Variants in AP1B1 observed in about 807,000 individuals in gnomAD.
The protein encoded by AP1B1 is adaptor related protein complex 1 subunit beta 1, also known as AP-1 complex subunit beta-1.
A neutral mutation model predicts 104.3 loss-of-function variants in AP1B1; 36 were observed. The ratio of observed to expected loss-of-function variants is 0.35; its 90% CI spans 0.26 to 0.46. AP1B1 has a LOEUF of 0.46. Ranked by LOEUF, AP1B1 falls within the 20% of genes least tolerant of loss-of-function variation. The pLI is 1.00. For missense variants in AP1B1, 901 were observed against 1,247.9 expected (o/e 0.72, Z 4.19); for synonymous variants, 504 against 517.5 (o/e 0.97, Z 0.35).
chr22:29,360,650 C>G (rs1367993721), intron 3 of AP1B1, among the ~76,000 whole-genome samples: 1 of 152,152 alleles, frequency 6.6e-6, no homozygotes, highest in African/African-American at 2.4e-5. Flanking sequence ...AGGGGATGAT[C>G]CCCATTTCAG....
intron 18 of AP1B1, 24 bp downstream of exon 18, chr22:29,331,763 G>T (rs1472843885): frequency 1.2e-6 from 2 of 1,614,170 alleles, no homozygotes; most frequent in Non-Finnish European, 1.7e-6. Context: ...AAGGACTGGG[G>T]TGCCTGCCCT....
chr22:29,342,172 C>T, intron 12 of AP1B1, 113 bp downstream of exon 12: 1 of 863,244 alleles, frequency 1.2e-6, no homozygotes, highest in Non-Finnish European at 1.8e-6. Flanking sequence ...GTCCCACCCA[C>T]AAGATACCTG....
intron 5 of AP1B1, 43 bp downstream of exon 5, chr22:29,358,683 C>T (rs777203860): frequency 6.3e-7 from 1 of 1,586,452 alleles, no homozygotes; most frequent in East Asian, 2.3e-5. Flanking sequence ...CCCAAGCAAC[C>T]CAGGAGGTGG....
Position 29,358,931 on chromosome 22 carries a change from A to G in AP1B1, c.320T>C (p.Val107Ala), listed in dbSNP as rs2062001928. Residue 107 changes from valine to alanine, a missense_variant, in exon 5 of 23, where the codon GTG becomes GCG. Val to Ala is a moderately conservative substitution (Grantham distance 64). Around this residue, in one of 3 missense-constraint regions of AP1B1, gnomAD observed 471 missense variants for 696.7 expected, o/e 0.68. Coordinates refer to ENST00000357586, the MANE Select transcript of AP1B1 (RefSeq NM_001127.4). ...AACGCGGATGCAGCCCATGGTCCGC[A>G]CTGCCAGGGCTCGGATGAGGGGGTT... is the stretch of plus-strand genomic sequence containing the variant. ...DPNPLIRALA[V>A]RTMGCIRVDK... is the part of the protein sequence containing the mutation. The G allele has an allele frequency of 6.2e-7, 1 of 1,612,378 alleles. No homozygotes were observed. The highest frequency in any genetic ancestry group is 1.3e-5 in the African/African-American group (1 of 74,910).
intron 3 of AP1B1, among the ~76,000 whole-genome samples, chr22:29,360,839 C>A (rs762258749): frequency 3.3e-5 from 5 of 152,196 alleles, no homozygotes; most frequent in Non-Finnish European, 7.3e-5. Context: ...TCTCTGAAAT[C>A]ATCATATCCC....
chr22:29,375,495 T>C (rs532479868), intron 1 of AP1B1, among the ~76,000 whole-genome samples: 2 of 152,050 alleles, frequency 1.3e-5, no homozygotes, highest in Non-Finnish European at 2.9e-5. Context: ...AAATGTTTGC[T>C]GGCAAAATGA....
chr22:29,358,977 G>A lies in AP1B1; in HGVS notation c.280-6C>T. The A allele has an allele frequency of 1.9e-6, 3 of 1,602,040 alleles. No homozygotes were observed. Among genetic ancestry groups the A allele is most frequent in the Middle Eastern group, 1.7e-4 (1 of 5,896 alleles). On this transcript the variant is annotated splice_region_variant and splice_polypyrimidine_tract_variant and intron_variant, in intron 4 of 22. Coordinates refer to ENST00000357586, the MANE Select transcript of AP1B1 (RefSeq NM_001127.4). ...GGGTTGGGGTCCTCACAGTCCTGGG[G>A]GGAACCAGCCATCGGCCAGGGCAGG... is the stretch of plus-strand genomic sequence containing the variant.
chr22:29,375,317 T>C (rs1290004926), intron 1 of AP1B1, among the ~76,000 whole-genome samples: 1 of 117,002 alleles, frequency 8.5e-6, no homozygotes, highest in Non-Finnish European at 1.6e-5. Context: ...GCCATTGCAC[T>C]CCAGCCTGCG....
Position 29,328,768 on chromosome 22 carries a change from G to A in AP1B1, c.*53C>T. 1 of 1,573,602 alleles carries A rather than the reference G, an allele frequency of 6.4e-7. No homozygotes were observed. The highest frequency in any genetic ancestry group is 8.6e-7 in the Non-Finnish European group (1 of 1,162,960). On this transcript the variant is annotated 3_prime_UTR_variant, in exon 23 of 23. Transcript: ENST00000357586. The surrounding 1 kb of genome is among the most constrained non-coding windows in gnomAD (Gnocchi z 4.1). ...GAGGAGGAAGATGTGCTGCCCCCGA[G>A]GGGCCTCCTCGATGGGGCGGGCAGA...
rs1299249059 is a variant in AP1B1, at chr22:29,349,313, T to C, written c.1342A>G (p.Met448Val). The change falls in exon 11 of 23, where the codon ATG (methionine) becomes GTG (valine). Residue 448 changes from methionine (M) to valine (V), a missense_variant. Coordinates refer to ENST00000357586, the MANE Select transcript of AP1B1 (RefSeq NM_001127.4). ...SLDEPEARAAMIWIVGEYAER... is the reference protein window; with the variant it reads ...SLDEPEARAAVIWIVGEYAER... ...GCGTACTCGCCCACAATCCAGATCATGGCAGCCCGGGCCTCAGGCTCATCC... is the reference window on the plus strand; with the variant it reads ...GCGTACTCGCCCACAATCCAGATCACGGCAGCCCGGGCCTCAGGCTCATCC... 8.7e-6 allele frequency: 14 copies of C among 1,614,030 alleles called. No individual in the cohort carries two copies. Among genetic ancestry groups the C allele is most frequent in the South Asian group, 2.2e-5 (2 of 91,088 alleles).
intron 1 of AP1B1, among the ~76,000 whole-genome samples, chr22:29,380,089 CAGG>C (rs370994347): frequency 2.5e-4 from 38 of 152,246 alleles, no homozygotes; most frequent in African/African-American, 8.9e-4. Context: ...TGGGTCCTGC[CAGG>C]AGAAGACACA....
intron 2 of AP1B1, among the ~76,000 whole-genome samples, chr22:29,364,562 G>A (rs2062101622): frequency 6.6e-6 from 1 of 152,124 alleles, no homozygotes; most frequent in East Asian, 1.9e-4. Flanking sequence ...GGGACTACAG[G>A]CGTGCGCCAT....
rs971564621 is a variant in AP1B1, at chr22:29,340,578, C to T, written c.1998+78G>A. On this transcript the variant is annotated intron_variant, in intron 14 of 22. Coordinates refer to ENST00000357586, the MANE Select transcript of AP1B1 (RefSeq NM_001127.4). ...ATGTACCTGAGGCACTCAGCTGGTG[C>T]CTGGCATGGAGGGGCATTCAGTGAC... 3.6e-6 allele frequency: 5 copies of T among 1,407,118 alleles called. No homozygotes were observed. The African/African-American group carries it at 7.2e-5, about 20-fold the overall frequency. 87.2% of individuals were successfully genotyped at this position (1,407,118 alleles called of 1,614,324 possible).
chr22:29,359,731 C>T lies in AP1B1; in HGVS notation c.279+93G>A, dbSNP rs373459389. ...GCGGGCAGTCTGAAGGTCTGGACTC[C>T]ATCCAGTGCCACAGGGCCCCGCCCC... On this transcript the variant is annotated intron_variant, in intron 4 of 22. Transcript: ENST00000357586. 13 of 1,496,862 alleles carry T rather than the reference C, an allele frequency of 8.7e-6. No homozygotes were observed. In the African/African-American group the frequency reaches 1.7e-4, roughly 19 times the overall value. 92.7% of individuals were successfully genotyped at this position (1,496,862 alleles called of 1,614,324 possible).
At chr22:29,364,515 T>A (rs1451435207) in intron 2 of AP1B1, among the ~76,000 whole-genome samples, 1 of 152,038 alleles carries the variant, frequency 6.6e-6, no homozygotes, top group Non-Finnish European at 1.5e-5. Flanking sequence ...GCCTCCTGGG[T>A]TCCAGCAATT....
chr22:29,387,870 C>T (rs1390157496), intron 1 of AP1B1, among the ~76,000 whole-genome samples: 1 of 152,202 alleles, frequency 6.6e-6, no homozygotes, highest in Admixed American at 6.5e-5. Context: ...ACAGAAGGGA[C>T]TCGATAGCCA....
Position 29,357,060 on chromosome 22 carries a change from T to C in AP1B1, c.526-444A>G, listed in dbSNP as rs75921136. On this transcript the variant is annotated intron_variant, in intron 5 of 22. Transcript: ENST00000357586. ...ATTTCCACTAGGAAGGTGTTTTTTTTTGTTTTTTGTTTTTTTTTTTTGAGA... is the reference window on the plus strand; with the variant it reads ...ATTTCCACTAGGAAGGTGTTTTTTTCTGTTTTTTGTTTTTTTTTTTTGAGA... Among the ~76,000 whole-genome samples, 5 of 126,616 alleles carry C rather than the reference T, an allele frequency of 3.9e-5. No homozygotes were observed. In the East Asian group the frequency reaches 1.8e-3, roughly 45 times the overall value. 83.1% of individuals were successfully genotyped at this position (126,616 alleles called of 152,430 possible).
intron 21 of AP1B1, 50 bp downstream of exon 21, chr22:29,330,328 G>A: frequency 6.2e-7 from 1 of 1,605,620 alleles, no homozygotes; most frequent in Non-Finnish European, 8.5e-7. Flanking sequence ...CCCCTGGCAT[G>A]GGACGAAGGG....
chr22:29,333,013 C>T (rs1304298031), intron 17 of AP1B1: 1 of 152,440 alleles, frequency 6.6e-6, no homozygotes, highest in Non-Finnish European at 1.5e-5. Flanking sequence ...ATTCAGCACA[C>T]AGTAAGTTTG....
Sources: allele counts gnomAD v4.1 joint callset (sites outside exome capture counted in the v4.1 genomes callset), GRCh38; gene constraint gnomAD v4.1.1; regional missense constraint gnomAD v4.1.1; non-coding constraint Gnocchi (gnomAD v3.1); transcripts MANE v1.5; gene names NCBI Gene and HGNC (gene_info 2026-07-23, HGNC 2026-07-21).